The following IL17RD variants were observed in gnomAD, a reference collection of about 807,000 sequenced individuals.
IL17RD encodes interleukin-17 receptor D.
In IL17RD, 52 loss-of-function variants were observed where a neutral mutation model predicts 80.5. The observed-to-expected ratio is 0.65, with a 90% CI of 0.52 to 0.81. The LOEUF is 0.81. Ranked by LOEUF, IL17RD falls within the 40% of genes least tolerant of loss-of-function variation. The pLI is 0.00. For synonymous variants in IL17RD, 416 were observed against 391.8 expected (o/e 1.06, Z -0.73); for missense variants, 1,024 against 955.1 (o/e 1.07, Z -0.95).
intron 1 of IL17RD, among the ~76,000 whole-genome samples, chr3:57,150,653 C>T (rs1487975869): frequency 6.6e-6 from 1 of 152,218 alleles, no homozygotes; most frequent in Admixed American, 6.5e-5. Flanking sequence ...CTGGATGGAA[C>T]TCTCCTCACC....
chr3:57,123,496 T>G (rs1579286190), intron 1 of IL17RD, among the ~76,000 whole-genome samples: 1 of 152,146 alleles, frequency 6.6e-6, no homozygotes, highest in Non-Finnish European at 1.5e-5. Flanking sequence ...CCAGGTCCCC[T>G]CCCCTGGTGG....
At chr3:57,123,939 G>C (rs1352836557) in intron 1 of IL17RD, among the ~76,000 whole-genome samples, 2 of 152,160 alleles carry the variant, frequency 1.3e-5, no homozygotes, top group African/African-American at 4.8e-5. Context: ...CAGCTACTTG[G>C]GAGGCTGAGG....
At chr3:57,145,152 A>G (rs892536530) in intron 1 of IL17RD, among the ~76,000 whole-genome samples, 2 of 152,170 alleles carry the variant, frequency 1.3e-5, no homozygotes, top group Admixed American at 1.3e-4. Flanking sequence ...TGCTGACAGA[A>G]AGGCCTCTGG....
chr3:57,163,971 AGT>A (rs1481186502), intron 1 of IL17RD, among the ~76,000 whole-genome samples: 1 of 151,958 alleles, frequency 6.6e-6, no homozygotes, highest in African/African-American at 2.4e-5. Flanking sequence ...TGCCTAAGGG[AGT>A]GTTATGTCCT....
intron 1 of IL17RD, among the ~76,000 whole-genome samples, chr3:57,149,937 G>A (rs1183512048): frequency 2.0e-5 from 3 of 152,012 alleles, no homozygotes; most frequent in South Asian, 4.1e-4. Flanking sequence ...TTGGTGTATG[G>A]GTCCACAAGT....
rs61742267 is a variant in IL17RD at position 57,098,007 on chromosome 3, G to A, written c.1696C>T (p.Pro566Ser). The A allele has an allele frequency of 0.018, 29,439 of 1,613,984 alleles. 343 individuals carry two copies. Among genetic ancestry groups the A allele is most frequent in the Non-Finnish European group, 0.021 (25,296 of 1,179,866 alleles). Residue 566 changes from proline (P) to serine (S), a missense_variant, in exon 12 of 13, where the codon CCC becomes TCC. Coordinates refer to ENST00000296318, the MANE Select transcript of IL17RD (RefSeq NM_017563.5). ...TAGCGCAGTGGAGGAGGATGGAAGG[G>A]AACGAACTGCTTTTCGAACCAGTCG... The part of the protein sequence containing the change: ...EPDWFEKQFV[P>S]FHPPPLRYRE...
chr3:57,139,515 CTTTTT>C, intron 1 of IL17RD, among the ~76,000 whole-genome samples: 1 of 134,752 alleles, frequency 7.4e-6, no homozygotes, highest in Non-Finnish European at 1.6e-5. Flanking sequence ...TGAAAATTTC[CTTTTT>C]TTTTTTTTTT....
intron 1 of IL17RD, among the ~76,000 whole-genome samples, chr3:57,139,561 T>C (rs1399413746): frequency 6.6e-6 from 1 of 151,534 alleles, no homozygotes; most frequent in Admixed American, 6.6e-5. Flanking sequence ...TCTCCCAGGC[T>C]GTAGTGCAGT....
upstream of IL17RD, chr3:57,170,197 A>T (rs1016045513): frequency 1.3e-5 from 2 of 152,322 alleles, no homozygotes; most frequent in African/African-American, 4.8e-5. Context: ...CAGAAATCCC[A>T]GGACGCCCAC....
chr3:57,096,877 G>C (rs893011671), intron 12 of IL17RD, among the ~76,000 whole-genome samples: 1 of 152,206 alleles, frequency 6.6e-6, no homozygotes, highest in African/African-American at 2.4e-5. Flanking sequence ...TGGGCATGGT[G>C]GCGCATGCTT....
rs1345236201 is a variant in IL17RD at position 57,098,494 on chromosome 3, C to T, written c.1209G>A (p.Gly403=). Residue 403 remains glycine (G), a synonymous_variant, in exon 12 of 13, where the codon GGG becomes GGA. Coordinates refer to ENST00000296318, the MANE Select transcript of IL17RD (RefSeq NM_017563.5). The part of the protein sequence containing the change: ...LWEDFSLCRE[G]QREWVIQKIH... Reference sequence around the variant, plus strand: ...TCTTCTGGATGACCCATTCTCTCTGCCCTTCTCTACAGAGGCTGAAGTCTT... The same window carrying T: ...TCTTCTGGATGACCCATTCTCTCTGTCCTTCTCTACAGAGGCTGAAGTCTT... 6 of 1,612,762 alleles carry T rather than the reference C, an allele frequency of 3.7e-6. No homozygotes were observed. In the East Asian group the frequency reaches 6.7e-5, roughly 18 times the overall value.
chr3:57,101,722 T>A (rs1179221711), intron 10 of IL17RD, among the ~76,000 whole-genome samples: 2 of 152,236 alleles, frequency 1.3e-5, no homozygotes, highest in Non-Finnish European at 2.9e-5. Context: ...CTGATTTTTT[T>A]TAAAAGTTTT....
chr3:57,108,210 C>T (rs745633030), intron 5 of IL17RD, among the ~76,000 whole-genome samples: 23 of 151,992 alleles, frequency 1.5e-4, no homozygotes, highest in Non-Finnish European at 3.1e-4. Flanking sequence ...CAGGCACATG[C>T]CACCACACCC....
chr3:57,149,595 ATTAAGT>A (rs758125666), intron 1 of IL17RD, among the ~76,000 whole-genome samples: 2 of 152,254 alleles, frequency 1.3e-5, no homozygotes, highest in Non-Finnish European at 2.9e-5. Flanking sequence ...TTAAATTTAA[ATTAAGT>A]TTAAGTAAAA....
rs899000156 is a variant in IL17RD, at chr3:57,091,945, G to A, written c.*4448C>T. On this transcript the variant is annotated 3_prime_UTR_variant, in exon 13 of 13. Coordinates refer to ENST00000296318, the MANE Select transcript of IL17RD (RefSeq NM_017563.5). The stretch of plus-strand genomic sequence containing the variant: ...CTGGAATCAAAGCCACTGGCTTGCA[G>A]TCAGATTTCCTTTTGTCTATTTTCA... 6.6e-6 allele frequency: 1 copy of A among 152,258 alleles called. No individual in the cohort carries two copies. The highest frequency in any genetic ancestry group is 1.5e-5 in the Non-Finnish European group (1 of 68,048). The allele number at this position is 152,258 out of a possible 1,614,324, so 9.4% of individuals were successfully genotyped here. A position where few individuals can be genotyped will look rare whatever the true frequency, so the allele number is the denominator to read the frequency against.
intron 10 of IL17RD, among the ~76,000 whole-genome samples, chr3:57,102,013 ATGAGAGGGAGG>A (rs1559466902): frequency 6.6e-6 from 1 of 151,932 alleles, no homozygotes; most frequent in Non-Finnish European, 1.5e-5. Context: ...TAATCCCAGC[ATGAGAGGGAGG>A]CTGAGGCAGG....
At position 57,104,341 on chromosome 3, in the gene IL17RD, C is replaced by T. The variant is rs773918457; in HGVS notation, c.813+1G>A. The T allele has an allele frequency of 2.5e-6, 4 of 1,599,962 alleles. 1 individual carries two copies. The highest frequency in any genetic ancestry group is 2.7e-5 in the African/African-American group (2 of 74,722). ...ATAGGGCTTTCTTGTGTTATGCATACCTCAATTATATAATCCCCTGGAGAA... is the reference window on the plus strand; with the variant it reads ...ATAGGGCTTTCTTGTGTTATGCATATCTCAATTATATAATCCCCTGGAGAA... On this transcript the variant is annotated splice_donor_variant, in intron 8 of 12. Coordinates refer to ENST00000296318, the MANE Select transcript of IL17RD (RefSeq NM_017563.5). LOFTEE classifies it high-confidence loss of function.
intron 1 of IL17RD, among the ~76,000 whole-genome samples, chr3:57,122,950 ATTTG>A (rs1385271458): frequency 6.6e-6 from 1 of 150,656 alleles, no homozygotes; most frequent in Non-Finnish European, 1.5e-5. Context: ...GTTCCCTTAT[ATTTG>A]TTTGTTTGTT....
Position 57,105,840 on chromosome 3 carries a change from T to TAC in IL17RD, c.747+15_747+16dup, listed in dbSNP as rs754589551. The TAC allele has an allele frequency of 1.2e-6, 2 of 1,611,366 alleles. No individual in the cohort carries two copies. Among genetic ancestry groups the TAC allele is most frequent in the South Asian group, 2.2e-5 (2 of 90,722 alleles). ...TTGAAACACGCAGTGTTCCTTTATATACACCCAGCAGCTCACCTGCTTACA... is the reference window on the plus strand; with the variant it reads ...TTGAAACACGCAGTGTTCCTTTATATACACACCCAGCAGCTCACCTGCTTACA... On this transcript the variant is annotated intron_variant, in intron 7 of 12. Coordinates refer to ENST00000296318, the MANE Select transcript of IL17RD (RefSeq NM_017563.5).
Sources: gnomAD v4.1 joint callset for allele counts (sites outside exome capture counted in the v4.1 genomes callset) on GRCh38, gnomAD v4.1.1 for gene constraint, MANE v1.5 for transcripts, NCBI Gene and HGNC (gene_info 2026-07-23, HGNC 2026-07-21) for gene names.